The following ADAM23 variants were observed in gnomAD, a reference collection of about 807,000 sequenced individuals.
ADAM23 encodes the protein ADAM metallopeptidase domain 23.
Under a neutral mutation model 120.1 loss-of-function variants are expected in ADAM23, and 33 were observed. The observed-to-expected ratio is 0.27, with a 90% CI of 0.21 to 0.37. The LOEUF (loss-of-function observed/expected upper bound fraction) is 0.37, where lower values mean the gene tolerates loss of function less well. Among genes scored for constraint, ADAM23 ranks in the 10% least tolerant of loss-of-function variants. The pLI is 1.00. For synonymous variants in ADAM23, 367 were observed against 375.2 expected, an observed-to-expected ratio of 0.98 and a Z score of 0.25; for missense variants, 862 against 1,058.2, an observed-to-expected ratio of 0.81 and a Z score of 2.57.
Position 206,609,903 on chromosome 2 carries a change from G to A in ADAM23, c.2360-7G>A, listed in dbSNP as rs980710214. The A allele has an allele frequency of 6.3e-7, 1 of 1,595,408 alleles. No homozygotes were observed. Among genetic ancestry groups the A allele is most frequent in the Non-Finnish European group, 8.5e-7 (1 of 1,173,438 alleles). On this transcript the variant is annotated splice_polypyrimidine_tract_variant and splice_region_variant and intron_variant, in intron 24 of 25. Coordinates refer to ENST00000264377, the MANE Select transcript of ADAM23 (RefSeq NM_003812.4). ...TATGACTCTCTTCCCATGATCCTTT[G>A]TCACAGGTCCTAGTGCCACCAATCT... is the stretch of plus-strand genomic sequence containing the variant.
intron 3 of ADAM23, among the ~76,000 whole-genome samples, chr2:206,507,121 A>G (rs191236846): frequency 9.2e-5 from 14 of 152,286 alleles, no homozygotes. Context: ...TTTTTTAACT[A>G]TAAGAAAGTA....
Position 206,565,212 on chromosome 2 carries a change from G to A in ADAM23, c.1394+144G>A, listed in dbSNP as rs1314499377. ...ATTAATTGTCTGATATTTTTAAACT[G>A]AAAGATCTAATTTACTTTGTATTTT... On this transcript the variant is annotated intron_variant, in intron 14 of 25. Coordinates refer to ENST00000264377, the MANE Select transcript of ADAM23 (RefSeq NM_003812.4). The A allele has an allele frequency of 5.7e-6, 4 of 707,774 alleles. No homozygotes were observed. In the East Asian group the frequency reaches 1.1e-4, roughly 20 times the overall value. The allele number at this position is 707,774 out of a possible 1,614,324, so 43.8% of individuals were successfully genotyped here.
intron 3 of ADAM23, among the ~76,000 whole-genome samples, chr2:206,489,698 C>T (rs541484212): frequency 2.6e-5 from 4 of 152,102 alleles, no homozygotes; most frequent in Non-Finnish European, 5.9e-5. Flanking sequence ...TGCGGGCTGG[C>T]GAGATTCAGT....
At chr2:206,543,107 T>C (rs766344596) in intron 5 of ADAM23, 146 bp from the exon 6 acceptor site, 18 of 677,120 alleles carry the variant, frequency 2.7e-5, no homozygotes, top group Non-Finnish European at 4.6e-5. Flanking sequence ...TCCATGCAGA[T>C]ATGTGAATTA....
At chr2:206,581,620 A>G (rs1366128554) in intron 18 of ADAM23, among the ~76,000 whole-genome samples, 1 of 152,128 alleles carries the variant, frequency 6.6e-6, no homozygotes, top group Non-Finnish European at 1.5e-5. Flanking sequence ...AAATTTATTG[A>G]GGCTTGTTTT....
At position 206,530,953 on chromosome 2, in the gene ADAM23, G is replaced by C; in HGVS notation, c.573+5G>C. On this transcript the variant is annotated splice_donor_5th_base_variant and intron_variant, in intron 4 of 25. Transcript: ENST00000264377. ...GGGAAACCACAGTACTCTAAGGTAC[G>C]GTTACCGGCGTCGGCAAGTACTCTA... 6.2e-7 allele frequency: 1 copy of C among 1,612,788 alleles called. No individual in the cohort carries two copies. Among genetic ancestry groups the C allele is most frequent in the Non-Finnish European group, 8.5e-7 (1 of 1,179,162 alleles).
intron 3 of ADAM23, among the ~76,000 whole-genome samples, chr2:206,497,862 GACAA>G (rs1252563296): frequency 3.3e-5 from 5 of 152,064 alleles, no homozygotes; most frequent in Admixed American, 6.6e-5. Flanking sequence ...ACCAATAACA[GACAA>G]ACAGAGAGCC....
chr2:206,495,786 A>G (rs980250278), intron 3 of ADAM23, among the ~76,000 whole-genome samples: 1 of 152,206 alleles, frequency 6.6e-6, no homozygotes, highest in African/African-American at 2.4e-5. Context: ...CATAGGCTCA[A>G]AATAAAGGGA....
intron 3 of ADAM23, among the ~76,000 whole-genome samples, chr2:206,513,118 C>T (rs1361241034): frequency 2.6e-5 from 4 of 152,084 alleles, no homozygotes; most frequent in African/African-American, 4.8e-5. Flanking sequence ...CAATTAACAA[C>T]CTTATACCGG....
chr2:206,593,862 T>C (rs1698470320), intron 22 of ADAM23, among the ~76,000 whole-genome samples: 1 of 151,908 alleles, frequency 6.6e-6, no homozygotes. Context: ...ACACATGAAA[T>C]AATCTTATGA....
chr2:206,481,614 A>G (rs1305628408), intron 3 of ADAM23, among the ~76,000 whole-genome samples: 2 of 152,214 alleles, frequency 1.3e-5, no homozygotes, highest in African/African-American at 4.8e-5. Flanking sequence ...GAAGCATGAT[A>G]AATTTACTGA....
At chr2:206,487,623 G>A (rs115015782) in intron 3 of ADAM23, among the ~76,000 whole-genome samples, 1,781 of 152,316 alleles carry the variant, frequency 0.012, 46 homozygotes, top group African/African-American at 0.04. Flanking sequence ...TGACTGGTCC[G>A]AGGTGAACAC....
intron 3 of ADAM23, among the ~76,000 whole-genome samples, chr2:206,499,058 C>T (rs998933629): frequency 6.6e-6 from 1 of 152,028 alleles, no homozygotes. Flanking sequence ...GGACTGTAAA[C>T]TAGTTCAACC....
intron 24 of ADAM23, chr2:206,606,411 T>TTAGCATAC: frequency 6.6e-6 from 1 of 152,352 alleles, no homozygotes; most frequent in South Asian, 2.1e-4. Context: ...AAGAAGATAT[T>TTAGCATAC]TAGCATACTG....
At chr2:206,445,007 C>T (rs879617376) in intron 1 of ADAM23, among the ~76,000 whole-genome samples, 1 of 143,944 alleles carries the variant, frequency 6.9e-6, no homozygotes, top group Admixed American at 6.9e-5. Context: ...TACCCCCCCC[C>T]CAACACTTAG....
At chr2:206,599,934 G>A (rs1421645088) in intron 24 of ADAM23, among the ~76,000 whole-genome samples, 2 of 152,338 alleles carry the variant, frequency 1.3e-5, no homozygotes, top group South Asian at 4.1e-4. Flanking sequence ...GGGCACGGTG[G>A]CTCACGCCTG....
chr2:206,544,137 G>A (rs1314768202), intron 6 of ADAM23, among the ~76,000 whole-genome samples: 1 of 152,078 alleles, frequency 6.6e-6, no homozygotes. Flanking sequence ...AAAAAAAACA[G>A]CTTTCATTCT....
At chr2:206,519,335 G>A (rs1696798959) in intron 3 of ADAM23, among the ~76,000 whole-genome samples, 1 of 152,102 alleles carries the variant, frequency 6.6e-6, no homozygotes, top group African/African-American at 2.4e-5. Context: ...ATCTTAGCTT[G>A]TTATTATTTT....
At chr2:206,524,818 T>C (rs1243472168) in intron 3 of ADAM23, among the ~76,000 whole-genome samples, 2 of 152,198 alleles carry the variant, frequency 1.3e-5, no homozygotes, top group African/African-American at 2.4e-5. Context: ...AAGATGAGAT[T>C]TGGGTGAGGA....
Sources: allele counts gnomAD v4.1 joint callset (sites outside exome capture counted in the v4.1 genomes callset), GRCh38; gene constraint gnomAD v4.1.1; transcripts MANE v1.5; gene names NCBI Gene and HGNC (gene_info 2026-07-23, HGNC 2026-07-21).